Variants in GAREM2 observed in about 807,000 individuals in gnomAD.
GAREM2 encodes GRB2 associated regulator of MAPK1 subtype 2.
GAREM2 carries 30 observed loss-of-function variants against 55.6 expected under a neutral mutation model. The observed-to-expected ratio is 0.54, with a 90% CI of 0.40 to 0.73. The LOEUF is 0.73. Ranked by LOEUF, GAREM2 falls within the 30% of genes least tolerant of loss-of-function variation. The pLI, the probability that GAREM2 is intolerant of heterozygous loss-of-function variation, is 0.00. For missense variants in GAREM2, 1,075 were observed against 1,257.7 expected (o/e 0.85, Z 2.20); for synonymous variants, 550 against 569.1 (o/e 0.97, Z 0.48).
chr2:26,184,955 C>T lies in GAREM2; in HGVS notation c.1107C>T (p.Ala369=). 1 of 1,259,940 alleles carries T rather than the reference C, an allele frequency of 7.9e-7. No homozygotes were observed. The highest frequency in any genetic ancestry group is 1.0e-6 in the Non-Finnish European group (1 of 1,003,684). The allele number at this position is 1,259,940 out of a possible 1,614,324, so 78.0% of individuals were successfully genotyped here. The part of the protein sequence containing the change: ...TAVREAPAEL[A]EDCASPRRAR... Reference sequence around the variant, plus strand: ...TGCGCGAGGCGCCAGCGGAGCTCGCCGAAGACTGCGCCAGCCCGCGCCGCG... The same window carrying T: ...TGCGCGAGGCGCCAGCGGAGCTCGCTGAAGACTGCGCCAGCCCGCGCCGCG... The change falls in exon 4 of 6, where the codon GCC becomes GCT. Residue 369 remains alanine (A), a synonymous_variant. Transcript: ENST00000401533.
the GAREM2 span, among the ~76,000 whole-genome samples, chr2:26,202,112 T>G: frequency 6.6e-6 from 1 of 152,184 alleles, no homozygotes; most frequent in African/African-American, 2.4e-5. Context: ...GGTTGTAATC[T>G]TCTAAAGAAC....
the GAREM2 span, among the ~76,000 whole-genome samples, chr2:26,198,077 A>G: frequency 6.6e-6 from 1 of 152,186 alleles, no homozygotes; most frequent in African/African-American, 2.4e-5. Context: ...GCTTAGAACA[A>G]CACTGAAAAG....
chr2:26,194,565 C>G (rs1669607968), downstream of GAREM2: 1 of 1,589,376 alleles, frequency 6.3e-7, no homozygotes. Context: ...GAGAGCAATA[C>G]CAACCTGGAG....
chr2:26,184,490 C>G lies in GAREM2; in HGVS notation c.642C>G (p.Pro214=), dbSNP rs1313443160. The G allele has an allele frequency of 2.0e-6, 3 of 1,535,004 alleles. No individual in the cohort carries two copies. Among genetic ancestry groups the G allele is most frequent in the Non-Finnish European group, 2.6e-6 (3 of 1,140,364 alleles). The change falls in exon 4 of 6, where the codon CCC becomes CCG. Residue 214 remains proline (P), a synonymous_variant. Coordinates refer to ENST00000401533, the MANE Select transcript of GAREM2 (RefSeq NM_001168241.2). ...CCAGGCCGGTCAAAGGCAAGATGCC[C>G]TGCCTCATCTGCATGAACCACCGCA... ...GGARPVKGKM[P]CLICMNHRTN...
At chr2:26,192,500 G>A, downstream of GAREM2, 2 of 861,434 alleles carry the variant, frequency 2.3e-6, no homozygotes, top group East Asian at 2.4e-5. Context: ...TCAGAACCCT[G>A]GCCTGGCCAG....
downstream of GAREM2, chr2:26,191,512 A>G: frequency 6.2e-7 from 1 of 1,614,182 alleles, no homozygotes; most frequent in Non-Finnish European, 8.5e-7. Flanking sequence ...GCCAAGCCCA[A>G]AGACGGCTCC....
chr2:26,182,345 G>A (rs1669077226), intron 2 of GAREM2: 2 of 1,503,980 alleles, frequency 1.3e-6, no homozygotes, highest in East Asian at 5.0e-5. Flanking sequence ...AGTAGGATTG[G>A]ATATTGGACC....
the GAREM2 span, among the ~76,000 whole-genome samples, chr2:26,200,056 G>C: frequency 9.2e-4 from 140 of 152,360 alleles, no homozygotes; most frequent in African/African-American, 3.3e-3. Flanking sequence ...AACCGAAACG[G>C]GGTGGTCTAG....
chr2:26,186,723 C>G (rs1223988266), intron 5 of GAREM2, among the ~76,000 whole-genome samples: 1 of 152,188 alleles, frequency 6.6e-6, no homozygotes, highest in Non-Finnish European at 1.5e-5. Flanking sequence ...TGCCGGTAAT[C>G]CCAGCACTTT....
rs1669279834 is a variant in GAREM2, at chr2:26,186,945, A to C, written c.1599-286A>C. Reference sequence around the variant, plus strand: ...AGCCAAGATTGCACCACTGCACTCCAGCCTGGGCAACAGAGCGAGAACACC... The same window carrying C: ...AGCCAAGATTGCACCACTGCACTCCCGCCTGGGCAACAGAGCGAGAACACC... On this transcript the variant is annotated intron_variant, in intron 5 of 5. Transcript: ENST00000401533. Among the ~76,000 whole-genome samples, 3 of 152,262 alleles carry C rather than the reference A, an allele frequency of 2.0e-5. No homozygotes were observed. In the South Asian group the frequency reaches 6.2e-4, roughly 32 times the overall value.
At chr2:26,178,409 A>ACCC in intron 2 of GAREM2, among the ~76,000 whole-genome samples, 2 of 61,362 alleles carry the variant, frequency 3.3e-5, no homozygotes, top group African/African-American at 1.9e-4. Context: ...AAAAACAAAC[A>ACCC]ACCCCCCCCC....
chr2:26,197,362 C>G, the GAREM2 span, among the ~76,000 whole-genome samples: 1 of 152,210 alleles, frequency 6.6e-6, no homozygotes, highest in Non-Finnish European at 1.5e-5. Context: ...CAGTCACTGA[C>G]TCTGCTCTGT....
In GAREM2 at chr2:26,184,932, C is replaced by A. The variant is rs1475310759; in HGVS notation, c.1084C>A (p.Arg362Ser). 1 of 1,320,962 alleles carries A rather than the reference C, an allele frequency of 7.6e-7. No homozygotes were observed. The highest frequency in any genetic ancestry group is 2.0e-5 in the South Asian group (1 of 50,732). The allele number at this position is 1,320,962 out of a possible 1,614,324, so 81.8% of individuals were successfully genotyped here. A position where few individuals can be genotyped will look rare whatever the true frequency, so the allele number is the denominator to read the frequency against. The change falls in exon 4 of 6, where the codon CGC becomes AGC. Residue 362 changes from arginine (R) to serine (S), a missense_variant. Arg to Ser is a moderately radical substitution (Grantham distance 110). Transcript: ENST00000401533. ...CCCCGACGAGTACTCCACGGCCGTG[C>A]GCGAGGCGCCAGCGGAGCTCGCCGA... ...FDPDEYSTAV[R>S]EAPAELAEDC... is the part of the protein sequence containing the mutation.
chr2:26,182,590 G>A, intron 2 of GAREM2: 19 of 1,211,346 alleles, frequency 1.6e-5, no homozygotes, highest in Non-Finnish European at 2.3e-5. Context: ...AGGTCAGGCT[G>A]GGACAGAGCA....
chr2:26,183,973 GTC>G (rs1276859054), intron 3 of GAREM2, among the ~76,000 whole-genome samples: 8 of 152,264 alleles, frequency 5.3e-5, no homozygotes, highest in Admixed American at 3.3e-4. Flanking sequence ...TCACTGCACA[GTC>G]TTTTTAATCC....
chr2:26,173,304 C>A lies in GAREM2; in HGVS notation c.84C>A (p.Arg28=). ...FPLDLIVSRC[R]LPTLACLGPG... ...TCGACCTCATCGTCAGCCGCTGCCG[C>A]CTGCCCACGCTCGCCTGCCTTGGGC... is the stretch of plus-strand genomic sequence containing the variant. The change falls in exon 1 of 6, where the codon CGC becomes CGA. Residue 28 remains arginine, a synonymous_variant. Transcript: ENST00000401533. 1.4e-6 allele frequency: 2 copies of A among 1,434,576 alleles called. No individual in the cohort carries two copies. Among genetic ancestry groups the A allele is most frequent in the Non-Finnish European group, 1.8e-6 (2 of 1,091,670 alleles). 88.9% of individuals were successfully genotyped at this position (1,434,576 alleles called of 1,614,324 possible).
At chr2:26,183,158 C>G in intron 3 of GAREM2, 61 bp downstream of exon 3, 3 of 1,525,796 alleles carry the variant, frequency 2.0e-6, no homozygotes, top group Non-Finnish European at 2.7e-6. Flanking sequence ...AGGGGCAACC[C>G]TGACTCTGGT....
At chr2:26,185,615 A>G (rs1400626144) in intron 4 of GAREM2, among the ~76,000 whole-genome samples, 1 of 152,236 alleles carries the variant, frequency 6.6e-6, no homozygotes, top group Non-Finnish European at 1.5e-5. Context: ...AAGTAAGCTT[A>G]GAAATGCTGT....
chr2:26,184,829 G>A lies in GAREM2; in HGVS notation c.981G>A (p.Pro327=), dbSNP rs1443134661. The change falls in exon 4 of 6, where the codon CCG becomes CCA. Residue 327 remains proline, a synonymous_variant. Transcript: ENST00000401533. ...CGGACACGCCGCGCTTCGCGCTGCC[G>A]CAGGGCCTGCTGGCCGGGGACCCGC... ...LLTDTPRFAL[P]QGLLAGDPRV... 1.3e-6 allele frequency: 2 copies of A among 1,484,102 alleles called. No individual in the cohort carries two copies. The highest frequency in any genetic ancestry group is 1.8e-6 in the Non-Finnish European group (2 of 1,125,662). The allele number at this position is 1,484,102 out of a possible 1,614,324, so 91.9% of individuals were successfully genotyped here.
Sources: allele counts gnomAD v4.1 joint callset (sites outside exome capture counted in the v4.1 genomes callset), GRCh38; gene constraint gnomAD v4.1.1; transcripts MANE v1.5; gene names NCBI Gene and HGNC (gene_info 2026-07-23, HGNC 2026-07-21).